POLD3: variants seen among roughly 807,000 people sequenced by gnomAD.
POLD3 encodes the protein DNA polymerase delta subunit 3.
A neutral mutation model predicts 58.2 loss-of-function variants in POLD3; 19 were observed. The ratio of observed to expected loss-of-function variants is 0.33; its 90% CI spans 0.23 to 0.48. The LOEUF is 0.48. Among genes scored for constraint, POLD3 ranks in the 20% least tolerant of loss-of-function variants. The probability of loss-of-function intolerance (pLI) is 0.99; values close to 1 mark genes in which losing one functional copy is unlikely to be tolerated. For missense variants in POLD3, 504 were observed against 545.5 expected, an observed-to-expected ratio of 0.92 and a Z score of 0.76; for synonymous variants, 172 against 193.5, an observed-to-expected ratio of 0.89 and a Z score of 0.92.
intron 4 of POLD3, among the ~76,000 whole-genome samples, chr11:74,657,237 C>T (rs2033148583): frequency 6.6e-6 from 1 of 151,652 alleles, no homozygotes; most frequent in South Asian, 2.1e-4. Flanking sequence ...CATTCAGCCA[C>T]TCTGTGTCTT....
Position 74,640,651 on chromosome 11 carries a change from C to T in POLD3, c.1286C>T (p.Ala429Val), listed in dbSNP as rs1056677207. 1.9e-6 allele frequency: 3 copies of T among 1,612,508 alleles called. No homozygotes were observed. In the Admixed American group the frequency reaches 5.0e-5, roughly 27 times the overall value. ...MKTSSVHRPP[A>V]MTVKKEPREE... ...ACATCCTCAGTACACAGACCCCCTG[C>T]CATGACTGTGAAAAAAGAACCCAGA... Residue 429 changes from alanine (A) to valine (V), a missense_variant, in exon 12 of 12, where the codon GCC becomes GTC. Physicochemically the swap from Ala to Val is moderately conservative, Grantham distance 64. Around this residue, in one of 2 missense-constraint regions of POLD3, gnomAD observed 385 missense variants for 370.5 expected, o/e 1.04. Coordinates refer to ENST00000263681, the MANE Select transcript of POLD3 (RefSeq NM_006591.3).
chr11:74,595,693 T>C (rs1039297078), intron 2 of POLD3, among the ~76,000 whole-genome samples: 1 of 152,334 alleles, frequency 6.6e-6, no homozygotes, highest in East Asian at 1.9e-4. Flanking sequence ...CTCAGCCCAC[T>C]GCAGCCTTGA....
intron 7 of POLD3, 135 bp from the exon 8 acceptor site, chr11:74,625,273 G>GT (rs41550017): frequency 0.82 from 437,188 of 532,196 alleles, 181,110 homozygotes; most frequent in African/African-American, 0.97. Flanking sequence ...AAGGAGGAAT[G>GT]TTTCTGAATA....
At chr11:74,598,147 A>T (rs551041908) in intron 2 of POLD3, among the ~76,000 whole-genome samples, 4 of 152,204 alleles carry the variant, frequency 2.6e-5, no homozygotes, top group African/African-American at 9.6e-5. Context: ...CAGTAAGACT[A>T]TACTAAAGCT....
At chr11:74,620,833 C>T (rs1264960688) in intron 7 of POLD3, among the ~76,000 whole-genome samples, 4 of 151,878 alleles carry the variant, frequency 2.6e-5, no homozygotes, top group Non-Finnish European at 5.9e-5. Flanking sequence ...TTCAAGGAGG[C>T]ATTTTGTTAC....
intron 1 of POLD3, chr11:74,593,016 G>A: frequency 7.9e-7 from 1 of 1,258,204 alleles, no homozygotes; most frequent in Non-Finnish European, 1.0e-6. Flanking sequence ...GTTCTAAGGC[G>A]TCCCTACACC....
intron 4 of POLD3, among the ~76,000 whole-genome samples, chr11:74,650,985 G>C (rs530510666): frequency 3.3e-4 from 50 of 152,346 alleles, no homozygotes; most frequent in Middle Eastern, 6.8e-3. Flanking sequence ...GTAGTGGAAA[G>C]AGCCCTGCAC....
At chr11:74,665,256 G>A (rs923594846) in intron 4 of POLD3, among the ~76,000 whole-genome samples, 39 of 149,988 alleles carry the variant, frequency 2.6e-4, no homozygotes, top group African/African-American at 7.3e-4. Flanking sequence ...CCCAGGAAGC[G>A]GAGGTTGCAG....
intron 2 of POLD3, among the ~76,000 whole-genome samples, chr11:74,597,477 T>G (rs2031316354): frequency 6.6e-6 from 1 of 152,220 alleles, no homozygotes; most frequent in Non-Finnish European, 1.5e-5. Context: ...TATTATTGTT[T>G]TGAGACAGGG....
chr11:74,657,926 T>A (rs2033157301), intron 4 of POLD3, among the ~76,000 whole-genome samples: 1 of 152,180 alleles, frequency 6.6e-6, no homozygotes, highest in East Asian at 1.9e-4. Context: ...AGGGTAAAAG[T>A]TTTTTTCCCT....
chr11:74,653,659 T>C (rs953799904), intron 4 of POLD3, among the ~76,000 whole-genome samples: 4 of 151,746 alleles, frequency 2.6e-5, no homozygotes, highest in Admixed American at 1.3e-4. Flanking sequence ...ATGGGACAAA[T>C]AGAAAGCAAT....
chr11:74,636,070 A>G, intron 10 of POLD3, 127 bp from the exon 11 acceptor site: 1 of 873,254 alleles, frequency 1.1e-6, no homozygotes, highest in Non-Finnish European at 1.7e-6. Context: ...ACTAATGTAG[A>G]GTTTCTCTTT....
intron 4 of POLD3, among the ~76,000 whole-genome samples, chr11:74,667,394 C>T (rs2033283798): frequency 6.6e-6 from 1 of 152,088 alleles, no homozygotes; most frequent in African/African-American, 2.4e-5. Context: ...AAAAATTAGC[C>T]AGGCATGGTG....
intron 3 of POLD3, among the ~76,000 whole-genome samples, chr11:74,610,157 G>A (rs2031858554): frequency 6.6e-6 from 1 of 151,090 alleles, no homozygotes; most frequent in African/African-American, 2.4e-5. Flanking sequence ...ATATGTTTTA[G>A]GGCTATTTAT....
intron 2 of POLD3, chr11:74,595,045 A>G (rs1378074367): frequency 2.6e-5 from 4 of 152,224 alleles, no homozygotes; most frequent in Admixed American, 2.6e-4. Flanking sequence ...GGAACTGACA[A>G]ACTATTTTTC....
chr11:74,626,837 T>C (rs1442429465), intron 8 of POLD3, among the ~76,000 whole-genome samples: 3 of 152,154 alleles, frequency 2.0e-5, no homozygotes, highest in East Asian at 1.9e-4. Context: ...AAAATTCCCA[T>C]TGCCTAGTGA....
At chr11:74,666,386 C>T (rs1314718820) in intron 4 of POLD3, among the ~76,000 whole-genome samples, 6 of 151,982 alleles carry the variant, frequency 3.9e-5, no homozygotes, top group African/African-American at 7.3e-5. Flanking sequence ...TTTGGGAGGC[C>T]GAGGCAGGTG....
intron 4 of POLD3, among the ~76,000 whole-genome samples, chr11:74,649,453 T>C (rs2135192384): frequency 6.6e-6 from 1 of 152,314 alleles, no homozygotes; most frequent in East Asian, 1.9e-4. Flanking sequence ...TGGAGTGTTG[T>C]AAACATTCTT....
chr11:74,659,884 T>C (rs1418579908), intron 4 of POLD3, among the ~76,000 whole-genome samples: 1 of 152,238 alleles, frequency 6.6e-6, no homozygotes, highest in East Asian at 1.9e-4. Flanking sequence ...CAAACTGTTC[T>C]AACCTCTGCC....
Sources: gnomAD v4.1 joint callset for allele counts (sites outside exome capture counted in the v4.1 genomes callset) on GRCh38, gnomAD v4.1.1 for gene constraint, gnomAD v4.1.1 regional missense constraint, MANE v1.5 for transcripts, NCBI Gene and HGNC (gene_info 2026-07-23, HGNC 2026-07-21) for gene names.